Variants in RHPN2 observed in about 807,000 individuals in gnomAD.
The protein encoded by RHPN2 is rhophilin Rho GTPase binding protein 2.
A neutral mutation model predicts 79.0 loss-of-function variants in RHPN2; 40 were observed. The ratio of observed to expected loss-of-function variants is 0.51; its 90% CI spans 0.39 to 0.66. RHPN2 has a LOEUF of 0.66. Ranked by LOEUF, RHPN2 falls within the 30% of genes least tolerant of loss-of-function variation. The pLI is 0.00. For missense variants in RHPN2, 686 were observed against 883.5 expected (o/e 0.78, Z 2.83); for synonymous variants, 285 against 363.5 (o/e 0.78, Z 2.46).
chr19:33,045,488 T>C (rs189211929), intron 1 of RHPN2, among the ~76,000 whole-genome samples: 10 of 152,122 alleles, frequency 6.6e-5, no homozygotes, highest in Admixed American at 6.6e-4. Context: ...TGATTTTTTT[T>C]TTTTAGATGG....
At chr19:33,004,141 C>T (rs1370975409) in intron 7 of RHPN2, among the ~76,000 whole-genome samples, 7 of 152,160 alleles carry the variant, frequency 4.6e-5, no homozygotes, top group South Asian at 2.1e-4. Context: ...TGGGCTCAAG[C>T]GGTCCTCCCA....
At chr19:33,052,238 G>A (rs1972195019) in intron 1 of RHPN2, among the ~76,000 whole-genome samples, 1 of 152,176 alleles carries the variant, frequency 6.6e-6, no homozygotes, top group Admixed American at 6.6e-5. Flanking sequence ...TCTGGGCAGT[G>A]CCTGGCACCT....
chr19:33,036,056 GC>G (rs1233306130), intron 2 of RHPN2, among the ~76,000 whole-genome samples: 4 of 150,722 alleles, frequency 2.7e-5, no homozygotes, highest in Admixed American at 6.6e-5. Flanking sequence ...GGCAGAGCTT[GC>G]AGTGAGCAGA....
At chr19:33,049,018 C>A (rs540663494) in intron 1 of RHPN2, among the ~76,000 whole-genome samples, 1 of 152,124 alleles carries the variant, frequency 6.6e-6, no homozygotes, top group Admixed American at 6.6e-5. Context: ...GGAATCAGTA[C>A]GCCCTAACCA....
chr19:33,039,576 G>T (rs201755642), intron 2 of RHPN2, among the ~76,000 whole-genome samples: 3 of 152,124 alleles, frequency 2.0e-5, no homozygotes, highest in Non-Finnish European at 4.4e-5. Flanking sequence ...AGTGGGTCAT[G>T]CCTGTAATCC....
At chr19:33,057,695 G>GAA (rs71176188) in intron 1 of RHPN2, among the ~76,000 whole-genome samples, 34,761 of 141,618 alleles carry the variant, frequency 0.25, 7,059 homozygotes, top group African/African-American at 0.56. Flanking sequence ...AAAAAAGATA[G>GAA]AAAAAAAAAA....
chr19:33,060,946 A>G (rs1181445898), intron 1 of RHPN2, among the ~76,000 whole-genome samples: 5 of 152,142 alleles, frequency 3.3e-5, no homozygotes, highest in Admixed American at 6.6e-5. Flanking sequence ...TGGCTCCACC[A>G]TAGCTTCTTT....
chr19:33,059,155 G>C (rs2145274649), intron 1 of RHPN2, among the ~76,000 whole-genome samples: 1 of 151,942 alleles, frequency 6.6e-6, no homozygotes, highest in East Asian at 1.9e-4. Context: ...ACTGCCCCCG[G>C]CTGGCTCAGC....
chr19:33,048,496 C>T (rs10410894), intron 1 of RHPN2, among the ~76,000 whole-genome samples: 50,042 of 149,222 alleles, frequency 0.34, 9,394 homozygotes, highest in South Asian at 0.55. Flanking sequence ...GAGGCTGAGG[C>T]GGGTAGATCA....
rs184415172 is a variant in RHPN2 at position 32,992,437 on chromosome 19, C to T, written c.1498-468G>A. The stretch of plus-strand genomic sequence containing the variant: ...AACTCCTGACCTCAGGTGATCCGCC[C>T]GCCTCAGCCTCCCAAAGTGCTGGGA... On this transcript the variant is annotated intron_variant, in intron 12 of 14. Coordinates refer to ENST00000254260, the MANE Select transcript of RHPN2 (RefSeq NM_033103.5). 4.7e-3 allele frequency among the ~76,000 whole-genome samples: 708 copies of T among 151,884 alleles called. 10 individuals are homozygous for T. The highest frequency in any genetic ancestry group is 0.016 in the African/African-American group (671 of 41,262).
chr19:33,052,134 G>A (rs1393978506), intron 1 of RHPN2, among the ~76,000 whole-genome samples: 1 of 152,038 alleles, frequency 6.6e-6, no homozygotes, highest in Admixed American at 6.6e-5. Flanking sequence ...ATATAAAACT[G>A]GAGGCAGGCA....
At chr19:32,980,588 G>C (rs1268628954) in intron 14 of RHPN2, among the ~76,000 whole-genome samples, 2 of 152,176 alleles carry the variant, frequency 1.3e-5, no homozygotes, top group Non-Finnish European at 2.9e-5. Flanking sequence ...CTGGGTGACA[G>C]AGCAGGATTC....
At chr19:33,060,154 AC>A (rs1441077149) in intron 1 of RHPN2, among the ~76,000 whole-genome samples, 1 of 152,056 alleles carries the variant, frequency 6.6e-6, no homozygotes, top group Non-Finnish European at 1.5e-5. Context: ...AGGCATTGTG[AC>A]GTTTTTTTTG....
At chr19:33,027,204 ATGC>A in intron 2 of RHPN2, 1 of 148,832 alleles carries the variant, frequency 6.7e-6, no homozygotes, top group Non-Finnish European at 1.4e-5. Flanking sequence ...AGCTGAGATT[ATGC>A]CACTGCACTC....
chr19:33,061,759 C>T (rs893702655), intron 1 of RHPN2, among the ~76,000 whole-genome samples: 2 of 152,088 alleles, frequency 1.3e-5, no homozygotes, highest in African/African-American at 4.8e-5. Flanking sequence ...ACTGGGATTA[C>T]GGGTGTGAGC....
chr19:33,016,754 C>T (rs748596377), intron 4 of RHPN2, among the ~76,000 whole-genome samples: 2 of 152,166 alleles, frequency 1.3e-5, no homozygotes, highest in South Asian at 2.1e-4. Flanking sequence ...AAACATCACA[C>T]GGACACACAA....
chr19:33,046,718 A>G (rs561685634), intron 1 of RHPN2, among the ~76,000 whole-genome samples: 29 of 152,276 alleles, frequency 1.9e-4, no homozygotes, highest in African/African-American at 7.0e-4. Context: ...TTTTTATTAC[A>G]GCTACCTTAT....
chr19:33,025,311 TAA>T (rs201499801), intron 3 of RHPN2, among the ~76,000 whole-genome samples: 49 of 130,852 alleles, frequency 3.7e-4, no homozygotes, highest in South Asian at 5.2e-4. Context: ...TGTCTCTACT[TAA>T]AAAAAAAAAA....
intron 1 of RHPN2, among the ~76,000 whole-genome samples, chr19:33,056,989 G>A (rs1049210215): frequency 9.2e-5 from 14 of 151,814 alleles, no homozygotes; most frequent in Middle Eastern, 3.4e-3. Flanking sequence ...ACATGGTGGC[G>A]GTCGCCTGTA....
Sources: gnomAD v4.1 joint callset for allele counts (sites outside exome capture counted in the v4.1 genomes callset) on GRCh38, gnomAD v4.1.1 for gene constraint, MANE v1.5 for transcripts, NCBI Gene and HGNC (gene_info 2026-07-23, HGNC 2026-07-21) for gene names.